OR4F15: variants seen among roughly 807,000 people sequenced by gnomAD.
OR4F15 encodes olfactory receptor family 4 subfamily F member 15.
OR4F15 carries 7 observed loss-of-function variants against 11.9 expected under a neutral mutation model. The ratio of observed to expected loss-of-function variants is 0.59; its 90% CI spans 0.33 to 1.10. OR4F15 has a LOEUF of 1.10. Ranked by LOEUF, OR4F15 falls within the 50% of genes least tolerant of loss-of-function variation. The pLI is 0.03. For synonymous variants in OR4F15, 151 were observed against 134.6 expected, an observed-to-expected ratio of 1.12 and a Z score of -0.84; for missense variants, 445 against 377.5, an observed-to-expected ratio of 1.18 and a Z score of -1.48.
intron 1 of OR4F15, among the ~76,000 whole-genome samples, chr15:101,816,724 A>T (rs1054698214): frequency 6.6e-6 from 1 of 152,180 alleles, no homozygotes; most frequent in East Asian, 1.9e-4. Flanking sequence ...TAAATCAGGA[A>T]CACTTCATTG....
At position 101,818,326 on chromosome 15, in the gene OR4F15, T is replaced by C. The variant is rs202069941; in HGVS notation, c.140T>C (p.Phe47Ser). The C allele has an allele frequency of 1.2e-6, 2 of 1,614,170 alleles. No homozygotes were observed. Among genetic ancestry groups the C allele is most frequent in the African/African-American group, 2.7e-5 (2 of 75,062 alleles). Residue 47 changes from phenylalanine to serine, a missense_variant, in exon 2 of 2, where the codon TTC (phenylalanine) becomes TCC (serine). Physicochemically the swap from Phe to Ser is radical, Grantham distance 155 (BLOSUM62 -2). Transcript: ENST00000332238. Reference protein sequence around the residue: ...ASMMGNLVIVFTVTMDAHLHS... With the variant: ...ASMMGNLVIVSTVTMDAHLHS... The stretch of plus-strand genomic sequence containing the variant: ...ATGATGGGAAACCTTGTCATTGTAT[T>C]CACTGTAACCATGGATGCTCATCTG...
rs545420977 is a variant in OR4F15 at position 101,817,612 on chromosome 15, G to A, written c.-37-538G>A. 5.6e-4 allele frequency among the ~76,000 whole-genome samples: 85 copies of A among 152,266 alleles called. 1 individual carries two copies. Among genetic ancestry groups the A allele is most frequent in the African/African-American group, 1.9e-3 (81 of 41,558 alleles). ...CATTGGGAAGATTTCACACATAAGC[G>A]AGAATTTGGCTGGGATTTTGAGAAT... On this transcript the variant is annotated intron_variant, in intron 1 of 1. Transcript: ENST00000332238.
In OR4F15 at chr15:101,818,456, G is replaced by A; in HGVS notation, c.270G>A (p.Lys90=). The change falls in exon 2 of 2, where the codon AAG becomes AAA. Residue 90 remains lysine, a synonymous_variant. Coordinates refer to ENST00000332238, the MANE Select transcript of OR4F15 (RefSeq NM_001001674.2). The stretch of plus-strand genomic sequence containing the variant: ...TTTGTGATATTTTCAAGAAGCACAA[G>A]GCCATCTCCTTTCGGGGATGTATTA... ...KMICDIFKKH[K]AISFRGCITQ... is the part of the protein sequence containing the mutation. 1 of 1,614,102 alleles carries A rather than the reference G, an allele frequency of 6.2e-7. No homozygotes were observed. The highest frequency in any genetic ancestry group is 8.5e-7 in the Non-Finnish European group (1 of 1,179,998).
In OR4F15 at chr15:101,819,053, C is replaced by T; in HGVS notation, c.867C>T (p.Phe289=). ...TPFLNPVIYT[F]RNKDMKVAMR... Reference sequence around the variant, plus strand: ...TTCTGAATCCAGTTATCTACACATTCAGGAACAAAGACATGAAAGTGGCAA... The same window carrying T: ...TTCTGAATCCAGTTATCTACACATTTAGGAACAAAGACATGAAAGTGGCAA... The change falls in exon 2 of 2, where the codon TTC becomes TTT. Residue 289 remains phenylalanine (F), a synonymous_variant. Coordinates refer to ENST00000332238, the MANE Select transcript of OR4F15 (RefSeq NM_001001674.2). 2 of 1,613,970 alleles carry T rather than the reference C, an allele frequency of 1.2e-6. No homozygotes were observed. The highest frequency in any genetic ancestry group is 1.7e-6 in the Non-Finnish European group (2 of 1,179,972).
rs776969567 is a variant in OR4F15 at position 101,818,502 on chromosome 15, G to A, written c.316G>A (p.Ala106Thr). The A allele has an allele frequency of 6.2e-7, 1 of 1,614,112 alleles. No individual in the cohort carries two copies. The highest frequency in any genetic ancestry group is 2.2e-5 in the East Asian group (1 of 44,882). Reference protein sequence around the residue: ...GCITQIFFSHALGGTEMVLLI... With the variant: ...GCITQIFFSHTLGGTEMVLLI... Reference sequence around the variant, plus strand: ...TATTACTCAGATCTTCTTTAGCCATGCTCTTGGGGGCACTGAGATGGTGCT... The same window carrying A: ...TATTACTCAGATCTTCTTTAGCCATACTCTTGGGGGCACTGAGATGGTGCT... The change falls in exon 2 of 2, where the codon GCT (alanine) becomes ACT (threonine). Residue 106 changes from alanine to threonine, a missense_variant. Physicochemically the swap from Ala to Thr is moderately conservative, Grantham distance 58. Transcript: ENST00000332238.
At chr15:101,817,700 C>T (rs1271529748) in intron 1 of OR4F15, among the ~76,000 whole-genome samples, 1 of 152,144 alleles carries the variant, frequency 6.6e-6, no homozygotes, top group South Asian at 2.1e-4. Flanking sequence ...GGAAGGGAAA[C>T]TTCTAAAGTC....
intron 1 of OR4F15, among the ~76,000 whole-genome samples, chr15:101,816,080 G>T (rs1902983901): frequency 1.3e-5 from 2 of 152,032 alleles, no homozygotes; most frequent in African/African-American, 2.4e-5. Context: ...CAGTAAGAAA[G>T]CTGTGCTGTA....
Position 101,818,712 on chromosome 15 carries a change from A to G in OR4F15, c.526A>G (p.Ser176Gly). ...LPFCGPNIFD[S>G]FYCDLPRLLR... ...TTTTTGTGGTCCTAATATCTTTGAC[A>G]GTTTTTACTGTGATCTCCCTCGGCT... Residue 176 changes from serine (S) to glycine (G), a missense_variant, in exon 2 of 2, where the codon AGT becomes GGT. Physicochemically the swap from Ser to Gly is moderately conservative, Grantham distance 56. Transcript: ENST00000332238. The G allele has an allele frequency of 6.2e-7, 1 of 1,614,136 alleles. No homozygotes were observed. The highest frequency in any genetic ancestry group is 8.5e-7 in the Non-Finnish European group (1 of 1,180,022).
In OR4F15 at chr15:101,819,003, A is replaced by AT. The variant is rs760528258; in HGVS notation, c.822dup (p.Asp275Ter). 16 of 1,614,032 alleles carry AT rather than the reference A, an allele frequency of 9.9e-6. No individual in the cohort carries two copies. The highest frequency in any genetic ancestry group is 1.3e-5 in the Non-Finnish European group (15 of 1,179,972). The stretch of plus-strand genomic sequence containing the variant: ...ATCACACCTGGATAAATATCTTGCT[A>AT]TTTTTGATGCATTTATTACTCCTTT... On this transcript the variant is annotated frameshift_variant, in exon 2 of 2. Coordinates refer to ENST00000332238, the MANE Select transcript of OR4F15 (RefSeq NM_001001674.2). LOFTEE classifies it high-confidence loss of function.
chr15:101,818,028 G>A (rs1596373909), intron 1 of OR4F15, 122 bp from the exon 2 acceptor site: 1 of 610,386 alleles, frequency 1.6e-6, no homozygotes, highest in East Asian at 2.7e-5. Context: ...GGGTGCATGT[G>A]ATGAGGGTTA....
rs1196160945 is a variant in OR4F15 at position 101,819,960 on chromosome 15, A to T, written c.*835A>T. 1 of 152,172 alleles carries T rather than the reference A, an allele frequency of 6.6e-6. No individual in the cohort carries two copies. Among genetic ancestry groups the T allele is most frequent in the African/African-American group, 2.4e-5 (1 of 41,426 alleles). The allele number at this position is 152,172 out of a possible 1,614,324, so 9.4% of individuals were successfully genotyped here. A position where few individuals can be genotyped will look rare whatever the true frequency, so the allele number is the denominator to read the frequency against. On this transcript the variant is annotated 3_prime_UTR_variant, in exon 2 of 2. Coordinates refer to ENST00000332238, the MANE Select transcript of OR4F15 (RefSeq NM_001001674.2). ...GTTAGTCCTATATTTAGAATATTCA[A>T]ATTTAAAGTTAGAGTGGATTACCAA...
At chr15:101,817,439 A>G (rs1355470190) in intron 1 of OR4F15, among the ~76,000 whole-genome samples, 1 of 152,186 alleles carries the variant, frequency 6.6e-6, no homozygotes, top group Admixed American at 6.5e-5. Flanking sequence ...GGTGATTGTG[A>G]TGATGGTGGG....
chr15:101,814,246 C>T (rs979610169), intron 1 of OR4F15, among the ~76,000 whole-genome samples: 3 of 152,166 alleles, frequency 2.0e-5, no homozygotes, highest in East Asian at 1.9e-4. Context: ...GACTCTTATT[C>T]TCCTACCCAG....
At chr15:101,817,028 G>A (rs1054268381) in intron 1 of OR4F15, among the ~76,000 whole-genome samples, 16 of 152,036 alleles carry the variant, frequency 1.1e-4, no homozygotes, top group Admixed American at 3.3e-4. Flanking sequence ...TCCTCTAGGG[G>A]TGTATTATCT....
chr15:101,818,377 C>T lies in OR4F15; in HGVS notation c.191C>T (p.Ala64Val), dbSNP rs1903033493. 6.2e-7 allele frequency: 1 copy of T among 1,614,128 alleles called. No individual in the cohort carries two copies. Among genetic ancestry groups the T allele is most frequent in the Non-Finnish European group, 8.5e-7 (1 of 1,179,952 alleles). ...HLHSPMYFLLANLSIIDMAFC... is the reference protein window; with the variant it reads ...HLHSPMYFLLVNLSIIDMAFC... ...CACTCCCCCATGTATTTCCTCCTGG[C>T]TAACCTCTCAATCATTGATATGGCA... is the stretch of plus-strand genomic sequence containing the variant. Residue 64 changes from alanine to valine, a missense_variant, in exon 2 of 2, where the codon GCT becomes GTT. Ala to Val is a moderately conservative substitution (Grantham distance 64). Transcript: ENST00000332238.
intron 1 of OR4F15, among the ~76,000 whole-genome samples, chr15:101,813,902 G>T (rs1043791490): frequency 2.0e-5 from 3 of 152,218 alleles, no homozygotes; most frequent in African/African-American, 7.2e-5. Flanking sequence ...CAATAGCCAG[G>T]CCAGAACTAG....
chr15:101,812,647 A>C (rs959576804), intron 1 of OR4F15, among the ~76,000 whole-genome samples: 4 of 152,226 alleles, frequency 2.6e-5, no homozygotes, highest in Admixed American at 6.5e-5. Context: ...AAAGTTCATC[A>C]GATACTAGTC....
rs1031375989 is a variant in OR4F15 at position 101,818,643 on chromosome 15, C to T, written c.457C>T (p.Leu153Phe). ...YFLATSSIIG[L>F]IHSLVQLVFV... ...TTTAGCCACTTCCTCTATCATTGGCCTTATCCACTCATTGGTCCAATTAGT... is the reference window on the plus strand; with the variant it reads ...TTTAGCCACTTCCTCTATCATTGGCTTTATCCACTCATTGGTCCAATTAGT... Residue 153 changes from leucine (L) to phenylalanine (F), a missense_variant, in exon 2 of 2, where the codon CTT (leucine) becomes TTT (phenylalanine). Leu to Phe is a conservative substitution (Grantham distance 22). Coordinates refer to ENST00000332238, the MANE Select transcript of OR4F15 (RefSeq NM_001001674.2). 5 of 1,614,092 alleles carry T rather than the reference C, an allele frequency of 3.1e-6. No individual in the cohort carries two copies. The highest frequency in any genetic ancestry group is 4.2e-6 in the Non-Finnish European group (5 of 1,179,964).
intron 1 of OR4F15, among the ~76,000 whole-genome samples, chr15:101,816,093 GAAT>G (rs1337346658): frequency 6.6e-6 from 1 of 152,126 alleles, no homozygotes; most frequent in East Asian, 1.9e-4. Context: ...GTGCTGTATA[GAAT>G]AATGGCCTTC....
Sources: gnomAD v4.1 joint callset for allele counts (sites outside exome capture counted in the v4.1 genomes callset) on GRCh38, gnomAD v4.1.1 for gene constraint, MANE v1.5 for transcripts, NCBI Gene and HGNC (gene_info 2026-07-23, HGNC 2026-07-21) for gene names.